The following DCC variants were observed in gnomAD, a reference collection of about 807,000 sequenced individuals.
DCC encodes the protein netrin receptor DCC.
Under a neutral mutation model 172.5 loss-of-function variants are expected in DCC, and 58 were observed. The observed-to-expected ratio is 0.34, with a 90% CI of 0.27 to 0.42. DCC has a LOEUF of 0.42. Among genes scored for constraint, DCC ranks in the 10% least tolerant of loss-of-function variants. The pLI is 1.00. For synonymous variants in DCC, 709 were observed against 644.5 expected (o/e 1.10, Z -1.52); for missense variants, 1,740 against 1,791.0 (o/e 0.97, Z 0.51).
chr18:53,063,310 C>A lies in DCC; in HGVS notation c.991C>A (p.Pro331Thr). 6.2e-7 allele frequency: 1 copy of A among 1,613,092 alleles called. No homozygotes were observed. The highest frequency in any genetic ancestry group is 8.5e-7 in the Non-Finnish European group (1 of 1,179,412). ...TTTTTTTTCTGTCTTTGCAGTTCCGCCATGGTTTTTAAATCATCCTTCCAA... is the reference window on the plus strand; with the variant it reads ...TTTTTTTTCTGTCTTTGCAGTTCCGACATGGTTTTTAAATCATCCTTCCAA... ...ASAELTVLVP[P>T]WFLNHPSNLY... The change falls in exon 6 of 29, where the codon CCA becomes ACA. Residue 331 changes from proline (P) to threonine (T), a missense_variant. By Grantham distance (38) the Pro-to-Thr change is conservative. Around this residue, in one of 2 missense-constraint regions of DCC, gnomAD observed 1,732 missense variants for 1,767.4 expected, o/e 0.98. Transcript: ENST00000442544.
chr18:53,516,245 A>C (rs545654666), intron 27 of DCC, among the ~76,000 whole-genome samples: 1 of 150,848 alleles, frequency 6.6e-6, no homozygotes, highest in East Asian at 1.9e-4. Context: ...CTGGCTAGCC[A>C]TATGTAGAAA....
At chr18:52,900,264 A>G (rs1245849749) in intron 2 of DCC, among the ~76,000 whole-genome samples, 2 of 152,246 alleles carry the variant, frequency 1.3e-5, no homozygotes, top group Admixed American at 1.3e-4. Context: ...TTCTAGGAAC[A>G]AATTGGGGTT....
intron 5 of DCC, among the ~76,000 whole-genome samples, chr18:52,976,322 C>A (rs926635804): frequency 6.6e-6 from 1 of 151,902 alleles, no homozygotes; most frequent in South Asian, 2.1e-4. Flanking sequence ...TTGATAGTTT[C>A]TTTTGCTGTG....
intron 27 of DCC, among the ~76,000 whole-genome samples, chr18:53,506,304 T>A (rs573144270): frequency 6.6e-6 from 1 of 152,008 alleles, no homozygotes; most frequent in Admixed American, 6.5e-5. Flanking sequence ...GAGCGACTTG[T>A]AAGTTTGTAA....
At chr18:52,505,924 C>G (rs1331545361) in intron 1 of DCC, among the ~76,000 whole-genome samples, 1 of 151,778 alleles carries the variant, frequency 6.6e-6, no homozygotes. Context: ...TAAAAAAGGT[C>G]GTTTATAAAA....
intron 1 of DCC, among the ~76,000 whole-genome samples, chr18:52,633,437 T>C (rs1402199310): frequency 6.6e-6 from 1 of 151,936 alleles, no homozygotes; most frequent in East Asian, 1.9e-4. Context: ...AAATAAGGAG[T>C]TGTCACCTTA....
At chr18:53,348,038 T>A (rs1389145627) in intron 15 of DCC, among the ~76,000 whole-genome samples, 1 of 152,132 alleles carries the variant, frequency 6.6e-6, no homozygotes, top group Non-Finnish European at 1.5e-5. Context: ...TGTCCTCACA[T>A]TTCAAAACCA....
In DCC at chr18:52,573,937, CT is replaced by C. The variant is rs550289438; in HGVS notation, c.92-178116del. 5.8e-3 allele frequency among the ~76,000 whole-genome samples: 885 copies of C among 152,278 alleles called. 6 individuals are homozygous for C. Among genetic ancestry groups the C allele is most frequent in the Non-Finnish European group, 0.01 (697 of 68,004 alleles). ...TACTTTTCATGGGTTTCTACATGCT[CT>C]GCCTATTTTCCTTCTGCTTCTGATT... On this transcript the variant is annotated intron_variant, in intron 1 of 28. Coordinates refer to ENST00000442544, the MANE Select transcript of DCC (RefSeq NM_005215.4).
intron 2 of DCC, among the ~76,000 whole-genome samples, chr18:52,806,057 T>C (rs1033643614): frequency 1.3e-5 from 2 of 152,226 alleles, no homozygotes; most frequent in African/African-American, 2.4e-5. Context: ...CCCTTAACTG[T>C]TAACATTGAC....
chr18:52,585,183 ACCAAACTTG>A (rs1162331227), intron 1 of DCC, among the ~76,000 whole-genome samples: 9 of 152,236 alleles, frequency 5.9e-5, no homozygotes, highest in African/African-American at 2.2e-4. Flanking sequence ...CAACATGGAA[ACCAAACTTG>A]CCAAATGAGG....
At chr18:53,047,903 ATGTGTGTGTG>A (rs35014270) in intron 5 of DCC, among the ~76,000 whole-genome samples, 16 of 146,886 alleles carry the variant, frequency 1.1e-4, no homozygotes, top group African/African-American at 2.5e-4. Flanking sequence ...TTCCTTCGAG[ATGTGTGTGTG>A]TGTGTGTGTG....
At chr18:52,715,445 A>T (rs556247196) in intron 1 of DCC, among the ~76,000 whole-genome samples, 22 of 151,898 alleles carry the variant, frequency 1.4e-4, no homozygotes, top group Non-Finnish European at 2.8e-4. Flanking sequence ...AATTACAGGC[A>T]CCTGCCACCA....
At chr18:52,538,792 G>A (rs949544025) in intron 1 of DCC, among the ~76,000 whole-genome samples, 1 of 151,794 alleles carries the variant, frequency 6.6e-6, no homozygotes, top group Non-Finnish European at 1.5e-5. Flanking sequence ...AACCTTGATT[G>A]CAAATTCTTC....
At chr18:53,082,756 A>T (rs1156965160) in intron 7 of DCC, among the ~76,000 whole-genome samples, 1 of 152,150 alleles carries the variant, frequency 6.6e-6, no homozygotes, top group Admixed American at 6.6e-5. Context: ...TTTCCTTCAG[A>T]AAACACACAT....
intron 12 of DCC, among the ~76,000 whole-genome samples, chr18:53,267,262 C>T (rs754118808): frequency 3.3e-5 from 5 of 152,018 alleles, no homozygotes; most frequent in Non-Finnish European, 7.4e-5. Context: ...TCTCAGCTTA[C>T]CGCAACCTCT....
chr18:52,878,200 C>A (rs775382435), intron 2 of DCC, among the ~76,000 whole-genome samples: 1 of 152,178 alleles, frequency 6.6e-6, no homozygotes, highest in Admixed American at 6.5e-5. Flanking sequence ...AATTTCTGAT[C>A]ATGTGCTTTG....
chr18:53,228,840 C>T (rs2144610675), intron 12 of DCC, among the ~76,000 whole-genome samples: 1 of 152,182 alleles, frequency 6.6e-6, no homozygotes, highest in African/African-American at 2.4e-5. Context: ...TTCCCTATTC[C>T]CCTAACACAC....
At chr18:52,780,611 A>G (rs1328272631) in intron 2 of DCC, among the ~76,000 whole-genome samples, 1 of 152,178 alleles carries the variant, frequency 6.6e-6, no homozygotes, top group Non-Finnish European at 1.5e-5. Context: ...AATTATACAG[A>G]AGAATTACAA....
At chr18:52,713,146 A>G (rs936589385) in intron 1 of DCC, among the ~76,000 whole-genome samples, 1 of 152,204 alleles carries the variant, frequency 6.6e-6, no homozygotes, top group Admixed American at 6.5e-5. Context: ...TTGATGTTCA[A>G]TTCTTTCAGC....
Sources: gnomAD v4.1 joint callset for allele counts (sites outside exome capture counted in the v4.1 genomes callset) on GRCh38, gnomAD v4.1.1 for gene constraint, gnomAD v4.1.1 regional missense constraint, MANE v1.5 for transcripts, NCBI Gene and HGNC (gene_info 2026-07-23, HGNC 2026-07-21) for gene names.